The following PLCB4 variants were observed in gnomAD, a reference collection of about 807,000 sequenced individuals.
PLCB4 encodes 1-phosphatidylinositol 4,5-bisphosphate phosphodiesterase beta-4.
Under a neutral mutation model 178.8 loss-of-function variants are expected in PLCB4, and 77 were observed. That is an observed-to-expected ratio of 0.43 (90% CI 0.36 to 0.52). The LOEUF is 0.52. PLCB4 is among the 20% of genes least tolerant of loss of function. PLCB4 has a pLI of 0.00. For missense variants in PLCB4, 1,024 were observed against 1,453.4 expected (o/e 0.70, Z 4.80); for synonymous variants, 496 against 490.8 (o/e 1.01, Z -0.14).
intron 2 of PLCB4, among the ~76,000 whole-genome samples, chr20:9,150,910 G>A (rs867316475): frequency 2.6e-5 from 4 of 152,278 alleles, no homozygotes; most frequent in South Asian, 4.1e-4. Context: ...TGAGAGCAAA[G>A]CTGTGCAGGC....
intron 1 of PLCB4, among the ~76,000 whole-genome samples, chr20:9,095,157 G>A (rs1175596934): frequency 2.0e-5 from 3 of 152,130 alleles, no homozygotes; most frequent in African/African-American, 7.2e-5. Flanking sequence ...ATGGTTGCAG[G>A]GTTCACGATC....
chr20:9,244,338 G>A (rs1253829529), intron 3 of PLCB4, among the ~76,000 whole-genome samples: 1 of 152,138 alleles, frequency 6.6e-6, no homozygotes, highest in Non-Finnish European at 1.5e-5. Context: ...ATTTTTTAAG[G>A]AACTTGAACT....
intron 3 of PLCB4, among the ~76,000 whole-genome samples, chr20:9,296,168 A>T (rs966212679): frequency 6.6e-6 from 1 of 152,184 alleles, no homozygotes; most frequent in East Asian, 1.9e-4. Flanking sequence ...TAAGAAAAAA[A>T]CAAACAGCCC....
At chr20:9,377,216 T>A (rs1408154692) in intron 12 of PLCB4, among the ~76,000 whole-genome samples, 1 of 152,168 alleles carries the variant, frequency 6.6e-6, no homozygotes, top group East Asian at 1.9e-4. Context: ...TTGGACACAG[T>A]TCTGTGACCT....
At chr20:9,113,973 G>C (rs1457354249) in intron 2 of PLCB4, among the ~76,000 whole-genome samples, 1 of 152,162 alleles carries the variant, frequency 6.6e-6, no homozygotes, top group African/African-American at 2.4e-5. Context: ...CAGCACTTTG[G>C]GAGGCTGAGG....
chr20:9,382,629 G>A (rs2037241318), intron 13 of PLCB4, among the ~76,000 whole-genome samples: 1 of 152,160 alleles, frequency 6.6e-6, no homozygotes, highest in African/African-American at 2.4e-5. Context: ...TTTCCTGGGT[G>A]TGCACGTGGC....
chr20:9,439,904 G>T (rs767061480), intron 30 of PLCB4, among the ~76,000 whole-genome samples: 1 of 152,212 alleles, frequency 6.6e-6, no homozygotes, highest in East Asian at 1.9e-4. Context: ...ATTTAAATAA[G>T]TAAGCATCTA....
Position 9,337,999 on chromosome 20 carries a change from T to G in PLCB4, c.166-9T>G, listed in dbSNP as rs1474397721. On this transcript the variant is annotated splice_polypyrimidine_tract_variant and intron_variant, in intron 5 of 39. Coordinates refer to ENST00000378473, the MANE Select transcript of PLCB4 (RefSeq NM_001377142.1). ...AAGCTCATTGCTGTGTTGTATTCTC[T>G]CTCTTCAGGAAGGACAGGTGCTAGA... The G allele has an allele frequency of 6.2e-7, 1 of 1,608,414 alleles. No homozygotes were observed. The highest frequency in any genetic ancestry group is 1.7e-4 in the Middle Eastern group (1 of 6,030).
chr20:9,074,806 TTAAACA>T (rs1407270343), intron 1 of PLCB4, among the ~76,000 whole-genome samples: 359 of 100,372 alleles, frequency 3.6e-3, no homozygotes, highest in African/African-American at 0.012. Flanking sequence ...TTTTTTTTTT[TTAAACA>T]AAACAAAACA....
At chr20:9,153,888 T>G (rs1490800112) in intron 2 of PLCB4, among the ~76,000 whole-genome samples, 2 of 152,220 alleles carry the variant, frequency 1.3e-5, no homozygotes, top group African/African-American at 4.8e-5. Flanking sequence ...TTCAGCATTA[T>G]TTTTGGAGAA....
chr20:9,344,478 T>G (rs1473151202), intron 7 of PLCB4, among the ~76,000 whole-genome samples: 2 of 152,230 alleles, frequency 1.3e-5, no homozygotes, highest in Non-Finnish European at 2.9e-5. Context: ...GAACTGTCAG[T>G]GCCCGACACT....
At chr20:9,074,005 C>T (rs2089702853) in intron 1 of PLCB4, among the ~76,000 whole-genome samples, 1 of 152,140 alleles carries the variant, frequency 6.6e-6, no homozygotes, top group South Asian at 2.1e-4. Flanking sequence ...ATGCTTCCTC[C>T]CAGAGGCAGC....
At chr20:9,153,774 G>A (rs916093715) in intron 2 of PLCB4, among the ~76,000 whole-genome samples, 1 of 152,138 alleles carries the variant, frequency 6.6e-6, no homozygotes, top group Non-Finnish European at 1.5e-5. Flanking sequence ...AATTCACTCA[G>A]TGTTCTTTCT....
chr20:9,203,803 T>TTTTC (rs1386787436), intron 2 of PLCB4, among the ~76,000 whole-genome samples: 2 of 137,366 alleles, frequency 1.5e-5, no homozygotes, highest in African/African-American at 5.4e-5. Flanking sequence ...TTTTTTTTTT[T>TTTTC]CCCATTTCTT....
intron 2 of PLCB4, among the ~76,000 whole-genome samples, chr20:9,110,637 A>T (rs1000303324): frequency 2.6e-5 from 4 of 152,150 alleles, no homozygotes; most frequent in African/African-American, 9.7e-5. Flanking sequence ...TAAGCTGACT[A>T]CGTTTCTTTT....
intron 3 of PLCB4, among the ~76,000 whole-genome samples, chr20:9,274,997 A>G (rs1356181572): frequency 2.0e-5 from 3 of 152,086 alleles, no homozygotes; most frequent in African/African-American, 7.2e-5. Flanking sequence ...TGAATGTAAT[A>G]GAGACTCTTT....
intron 33 of PLCB4, among the ~76,000 whole-genome samples, chr20:9,455,346 G>A (rs1374790947): frequency 6.6e-6 from 1 of 152,110 alleles, no homozygotes; most frequent in African/African-American, 2.4e-5. Flanking sequence ...TCAGATCCAA[G>A]CACCATAGAG....
chr20:9,366,384 GA>G (rs2035782598), intron 9 of PLCB4, among the ~76,000 whole-genome samples: 1 of 130,168 alleles, frequency 7.7e-6, no homozygotes, highest in Non-Finnish European at 1.6e-5. Flanking sequence ...GTGACAGAGT[GA>G]GACTCCATCT....
intron 2 of PLCB4, among the ~76,000 whole-genome samples, chr20:9,203,056 A>AAAAAATATATATATATATATAT (rs769628056): frequency 1.6e-5 from 2 of 126,162 alleles, no homozygotes; most frequent in African/African-American, 6.6e-5. Flanking sequence ...AAAAAAAAAA[A>AAAAAATATATATATATATATAT]ATATATATAT....
Sources: gnomAD v4.1 joint callset for allele counts (sites outside exome capture counted in the v4.1 genomes callset) on GRCh38, gnomAD v4.1.1 for gene constraint, MANE v1.5 for transcripts, NCBI Gene and HGNC (gene_info 2026-07-23, HGNC 2026-07-21) for gene names.